Variants in FOXK2 observed in about 807,000 individuals in gnomAD.
FOXK2 encodes the protein forkhead box K2, also known as forkhead box protein K2.
In FOXK2, 24 loss-of-function variants were observed where a neutral mutation model predicts 53.3. That is an observed-to-expected ratio of 0.45 (90% CI 0.33 to 0.63). The LOEUF (loss-of-function observed/expected upper bound fraction) is 0.63. Ranked by LOEUF, FOXK2 falls within the 30% of genes least tolerant of loss-of-function variation. FOXK2 has a pLI of 0.03. For missense variants in FOXK2, 952 were observed against 910.5 expected (o/e 1.05, Z -0.59); for synonymous variants, 505 against 407.1 (o/e 1.24, Z -2.89).
intron 1 of FOXK2, among the ~76,000 whole-genome samples, chr17:82,553,016 A>G (rs941420367): frequency 7.2e-5 from 11 of 152,128 alleles, no homozygotes; most frequent in African/African-American, 2.7e-4. Flanking sequence ...GCTCATTGCA[A>G]CCTCTGCCTC....
intron 1 of FOXK2, among the ~76,000 whole-genome samples, chr17:82,542,451 C>T (rs1490706543): frequency 6.6e-6 from 1 of 152,112 alleles, no homozygotes; most frequent in East Asian, 1.9e-4. Context: ...CAGACGTGAG[C>T]CACCATGCCC....
At chr17:82,575,846 G>T (rs1441375224) in intron 4 of FOXK2, among the ~76,000 whole-genome samples, 1 of 152,348 alleles carries the variant, frequency 6.6e-6, no homozygotes, top group African/African-American at 2.4e-5. Flanking sequence ...AGATGCAGAT[G>T]CGCAAAGATT....
chr17:82,564,297 C>T (rs2044830413), intron 2 of FOXK2, among the ~76,000 whole-genome samples: 1 of 151,972 alleles, frequency 6.6e-6, no homozygotes, highest in Admixed American at 6.6e-5. Flanking sequence ...CTGTGTTGGC[C>T]AGGCTGATCT....
At chr17:82,589,664 A>G (rs1267705786) in intron 8 of FOXK2, among the ~76,000 whole-genome samples, 1 of 151,996 alleles carries the variant, frequency 6.6e-6, no homozygotes, top group Non-Finnish European at 1.5e-5. Context: ...AGGAGAGGAC[A>G]GTGTCAGCAC....
intron 8 of FOXK2, among the ~76,000 whole-genome samples, chr17:82,590,314 C>T (rs2045240210): frequency 6.6e-6 from 1 of 152,138 alleles, no homozygotes; most frequent in Admixed American, 6.6e-5. Flanking sequence ...ATTTTGGCCT[C>T]TTGTAGTCTT....
intron 1 of FOXK2, among the ~76,000 whole-genome samples, chr17:82,544,930 C>T (rs2044609599): frequency 6.6e-6 from 1 of 151,638 alleles, no homozygotes; most frequent in South Asian, 2.1e-4. Flanking sequence ...CCATGGTGTG[C>T]TCTGTTGCTC....
chr17:82,546,585 T>C (rs1170328972), intron 1 of FOXK2, among the ~76,000 whole-genome samples: 1 of 151,412 alleles, frequency 6.6e-6, no homozygotes, highest in Non-Finnish European at 1.5e-5. Flanking sequence ...GCCCCAAGAG[T>C]GAAGTGCTGC....
At chr17:82,595,844 A>C (rs1471202443) in intron 8 of FOXK2, 13 of 1,289,486 alleles carry the variant, frequency 1.0e-5, no homozygotes, top group African/African-American at 1.5e-5. Flanking sequence ...CAGTTGACAC[A>C]GCAGGCCCCA....
chr17:82,580,882 A>G (rs1275952481), intron 4 of FOXK2, among the ~76,000 whole-genome samples: 2 of 139,030 alleles, frequency 1.4e-5, no homozygotes, highest in African/African-American at 2.7e-5. Context: ...AAGTAGCTCC[A>G]TCCACAGGGC....
At chr17:82,562,723 A>G (rs746738875) in intron 1 of FOXK2, among the ~76,000 whole-genome samples, 5 of 152,110 alleles carry the variant, frequency 3.3e-5, no homozygotes, top group African/African-American at 4.8e-5. Flanking sequence ...TTTTAAGTCT[A>G]CTATAAGACC....
At chr17:82,528,621 A>G (rs2044441894) in intron 1 of FOXK2, among the ~76,000 whole-genome samples, 1 of 152,172 alleles carries the variant, frequency 6.6e-6, no homozygotes, top group Non-Finnish European at 1.5e-5. Context: ...AGCACGGAAC[A>G]AGGTGTTACA....
chr17:82,587,387 T>A, intron 8 of FOXK2, 115 bp downstream of exon 8: 1 of 816,442 alleles, frequency 1.2e-6, no homozygotes, highest in Non-Finnish European at 2.0e-6. Flanking sequence ...TGAGGCAATG[T>A]TTGCATTTCG....
chr17:82,567,237 T>C (rs573126915), intron 2 of FOXK2, among the ~76,000 whole-genome samples: 1 of 152,334 alleles, frequency 6.6e-6, no homozygotes, highest in African/African-American at 2.4e-5. Context: ...CAAACACACC[T>C]CTCTGACTTA....
intron 1 of FOXK2, among the ~76,000 whole-genome samples, chr17:82,547,262 G>A (rs1599889339): frequency 1.3e-5 from 2 of 152,090 alleles, no homozygotes; most frequent in African/African-American, 2.4e-5. Flanking sequence ...GTGGTTCCCC[G>A]GAAGTGATCA....
At chr17:82,595,402 A>G (rs752365207) in intron 8 of FOXK2, among the ~76,000 whole-genome samples, 5 of 152,174 alleles carry the variant, frequency 3.3e-5, no homozygotes, top group Non-Finnish European at 5.9e-5. Flanking sequence ...CGTGGGCTCA[A>G]GTGATTCTCC....
chr17:82,547,167 A>G (rs938722757), intron 1 of FOXK2, among the ~76,000 whole-genome samples: 1 of 152,014 alleles, frequency 6.6e-6, no homozygotes, highest in African/African-American at 2.4e-5. Context: ...TTTTAAAGCT[A>G]CAACCTTAAG....
rs12944611 is a variant in FOXK2 at position 82,604,343 on chromosome 17, T to A, written c.*2844T>A. ...TAGAGTACGCGGTGGACAGCTGATCTCCTTCAGTCGTCTACCCACTTCCGT... is the reference window on the plus strand; with the variant it reads ...TAGAGTACGCGGTGGACAGCTGATCACCTTCAGTCGTCTACCCACTTCCGT... On this transcript the variant is annotated 3_prime_UTR_variant, in exon 9 of 9. Transcript: ENST00000335255. The A allele has an allele frequency of 0.14, 21,792 of 152,364 alleles. 1,694 individuals carry two copies. The highest frequency in any genetic ancestry group is 0.24 in the Middle Eastern group (70 of 294). The allele number at this position is 152,364 out of a possible 1,614,324, so 9.4% of individuals were successfully genotyped here.
intron 1 of FOXK2, among the ~76,000 whole-genome samples, chr17:82,561,367 A>G (rs907182960): frequency 2.0e-5 from 3 of 151,812 alleles, no homozygotes; most frequent in Non-Finnish European, 2.9e-5. Context: ...CCATTTGGGT[A>G]TATGTGTAGA....
At chr17:82,559,542 GTGA>G (rs1176814868) in intron 1 of FOXK2, 4 of 455,158 alleles carry the variant, frequency 8.8e-6, no homozygotes, top group African/African-American at 6.0e-5. Context: ...CTCATTAGCA[GTGA>G]GGAGGACTCA....
Sources: gnomAD v4.1 joint callset for allele counts (sites outside exome capture counted in the v4.1 genomes callset) on GRCh38, gnomAD v4.1.1 for gene constraint, MANE v1.5 for transcripts, NCBI Gene and HGNC (gene_info 2026-07-23, HGNC 2026-07-21) for gene names.